FAT3: variants seen among roughly 807,000 people sequenced by gnomAD.
FAT3 encodes the protein FAT atypical cadherin 3, also known as protocadherin Fat 3.
A neutral mutation model predicts 310.2 loss-of-function variants in FAT3; 95 were observed. That is an observed-to-expected ratio of 0.31 (90% CI 0.26 to 0.36). The LOEUF (loss-of-function observed/expected upper bound fraction) is 0.36. FAT3 is among the 10% of genes least tolerant of loss of function. The probability of loss-of-function intolerance (pLI) is 1.00; values close to 1 mark genes in which losing one functional copy is unlikely to be tolerated. For missense variants in FAT3, 5,408 were observed against 5,715.6 expected (o/e 0.95, Z 1.74); for synonymous variants, 2,314 against 2,192.9 (o/e 1.06, Z -1.54).
chr11:92,233,820 T>A (rs571418226), intron 1 of FAT3, among the ~76,000 whole-genome samples: 1 of 152,382 alleles, frequency 6.6e-6, no homozygotes, highest in South Asian at 2.1e-4. Context: ...TCTTCTTTTA[T>A]TTGGAAGTGT....
chr11:92,245,481 A>G (rs1864863390), intron 1 of FAT3, among the ~76,000 whole-genome samples: 1 of 152,110 alleles, frequency 6.6e-6, no homozygotes. Flanking sequence ...CCCAGAACTT[A>G]AAGTATAATA....
At chr11:92,789,647 T>G (rs1378883709) in intron 7 of FAT3, among the ~76,000 whole-genome samples, 3 of 152,212 alleles carry the variant, frequency 2.0e-5, no homozygotes, top group Admixed American at 6.5e-5. Context: ...TCATATACAT[T>G]GTGCATCAAA....
Position 92,891,484 on chromosome 11 carries a change from T to A in FAT3, c.*371T>A, listed in dbSNP as rs1949917837. On this transcript the variant is annotated 3_prime_UTR_variant, in exon 28 of 28. Transcript: ENST00000525166. ...CATCAGTCCTTGCAGTATTAAAAAC[T>A]GGCAACAATCAAAGAGGCATTGTTG... is the stretch of plus-strand genomic sequence containing the variant. The A allele has an allele frequency of 9.1e-6, 2 of 220,198 alleles. No homozygotes were observed. The highest frequency in any genetic ancestry group is 1.0e-4 in the Admixed American group (2 of 19,692). The allele number at this position is 220,198 out of a possible 1,614,324, so 13.6% of individuals were successfully genotyped here.
intron 2 of FAT3, among the ~76,000 whole-genome samples, chr11:92,463,871 A>G (rs1227633373): frequency 8.5e-5 from 13 of 152,120 alleles, no homozygotes; most frequent in Admixed American, 8.5e-4. Context: ...TGGATGTTTT[A>G]CCTATTTTTC....
chr11:92,636,597 A>G (rs1262886301), intron 3 of FAT3, among the ~76,000 whole-genome samples: 1 of 152,252 alleles, frequency 6.6e-6, no homozygotes, highest in African/African-American at 2.4e-5. Flanking sequence ...CCAACAATAA[A>G]GAAGAAATCA....
chr11:92,343,688 G>T (rs1174714374), intron 1 of FAT3, among the ~76,000 whole-genome samples: 1 of 152,120 alleles, frequency 6.6e-6, no homozygotes, highest in Non-Finnish European at 1.5e-5. Context: ...AAATTATGGA[G>T]CAGTTGTCTC....
chr11:92,589,163 A>G (rs1432684357), intron 3 of FAT3, among the ~76,000 whole-genome samples: 1 of 152,058 alleles, frequency 6.6e-6, no homozygotes, highest in African/African-American at 2.4e-5. Flanking sequence ...ATAAAAAAGG[A>G]AAGAAAGGAA....
chr11:92,573,134 A>T (rs1212608332), intron 3 of FAT3, among the ~76,000 whole-genome samples: 3 of 152,192 alleles, frequency 2.0e-5, no homozygotes, highest in Admixed American at 6.5e-5. Flanking sequence ...TGCTATCAGG[A>T]CAGCAATGAG....
rs1388484718 is a variant in FAT3 at position 92,314,376 on chromosome 11, C to T, written c.-17-37720C>T. The T allele has an allele frequency of 9.2e-5, 67 of 730,270 alleles. 1 individual carries two copies. The highest frequency in any genetic ancestry group is 9.5e-5 in the Non-Finnish European group (57 of 597,440). 45.2% of individuals were successfully genotyped at this position (730,270 alleles called of 1,614,324 possible). On this transcript the variant is annotated intron_variant, in intron 1 of 27. Transcript: ENST00000525166. ...CATTTGTAAAAAAACATATGAAGCC[C>T]CTCATTGCATGAAACAAGGAAAATG... is the stretch of plus-strand genomic sequence containing the variant.
intron 1 of FAT3, among the ~76,000 whole-genome samples, chr11:92,310,671 A>G (rs186059141): frequency 1.6e-3 from 247 of 152,092 alleles, no homozygotes; most frequent in Non-Finnish European, 2.8e-3. Context: ...ATATATGTGT[A>G]TGTTTGTATA....
chr11:92,371,760 C>G (rs1425594956), intron 2 of FAT3, among the ~76,000 whole-genome samples: 1 of 152,114 alleles, frequency 6.6e-6, no homozygotes, highest in African/African-American at 2.4e-5. Flanking sequence ...CCAAAGAGCT[C>G]TCATCACTTC....
intron 3 of FAT3, among the ~76,000 whole-genome samples, chr11:92,603,191 T>C (rs1940112142): frequency 6.6e-6 from 1 of 152,196 alleles, no homozygotes; most frequent in Non-Finnish European, 1.5e-5. Flanking sequence ...ATTACAGAAT[T>C]TCTTCAACTC....
intron 3 of FAT3, among the ~76,000 whole-genome samples, chr11:92,553,143 A>T (rs1214558946): frequency 6.6e-6 from 1 of 152,122 alleles, no homozygotes; most frequent in African/African-American, 2.4e-5. Context: ...GAGTAATATC[A>T]CCACCTTATG....
In FAT3 at chr11:92,461,921, G is replaced by A. The variant is rs535073210; in HGVS notation, c.3293-62713G>A. On this transcript the variant is annotated intron_variant, in intron 2 of 27. Transcript: ENST00000525166. ...GCAAATGCTTTGTTATATGTTTGAA[G>A]GTACTCCCACCCTTGATACTGCAGA... Among the ~76,000 whole-genome samples, 37 of 152,268 alleles carry A rather than the reference G, an allele frequency of 2.4e-4. 1 individual carries two copies. The Middle Eastern group carries it at 0.014, about 56-fold the overall frequency.
chr11:92,539,196 G>A (rs963644536), intron 3 of FAT3, among the ~76,000 whole-genome samples: 6 of 152,050 alleles, frequency 3.9e-5, no homozygotes, highest in Non-Finnish European at 7.4e-5. Context: ...ATTCATGCCC[G>A]GGAAATGGGG....
At chr11:92,464,306 T>C (rs1951707969) in intron 2 of FAT3, among the ~76,000 whole-genome samples, 1 of 152,192 alleles carries the variant, frequency 6.6e-6, no homozygotes, top group East Asian at 1.9e-4. Context: ...GGTCCTGGCA[T>C]GTAGGTCCCT....
intron 3 of FAT3, among the ~76,000 whole-genome samples, chr11:92,598,108 G>A (rs1939807953): frequency 6.6e-6 from 1 of 151,626 alleles, no homozygotes; most frequent in Non-Finnish European, 1.5e-5. Flanking sequence ...CAGAAGTCAT[G>A]TGCATAATCA....
chr11:92,342,091 G>A (rs1018759431), intron 1 of FAT3, among the ~76,000 whole-genome samples: 8 of 152,150 alleles, frequency 5.3e-5, no homozygotes, highest in Non-Finnish European at 1.2e-4. Flanking sequence ...GCCTGTGTCT[G>A]CTTTGTCTAG....
chr11:92,588,278 A>G (rs1939253165), intron 3 of FAT3, among the ~76,000 whole-genome samples: 1 of 151,800 alleles, frequency 6.6e-6, no homozygotes, highest in Admixed American at 6.6e-5. Context: ...TCATTTTGTC[A>G]TGACAATTTT....
Sources: allele counts gnomAD v4.1 joint callset (sites outside exome capture counted in the v4.1 genomes callset), GRCh38; gene constraint gnomAD v4.1.1; transcripts MANE v1.5; gene names NCBI Gene and HGNC (gene_info 2026-07-23, HGNC 2026-07-21).